OTOF: variants seen among roughly 807,000 people sequenced by gnomAD.
OTOF encodes the protein otoferlin, also known as fer-1-like family member 2.
A neutral mutation model predicts 236.8 loss-of-function variants in OTOF; 218 were observed. The observed-to-expected ratio is 0.92, with a 90% CI of 0.82 to 1.03. The LOEUF (loss-of-function observed/expected upper bound fraction) is 1.03. OTOF is among the 50% of genes least tolerant of loss of function. The pLI is 0.00. For synonymous variants in OTOF, 1,041 were observed against 1,072.5 expected (o/e 0.97, Z 0.57); for missense variants, 2,590 against 2,694.4 (o/e 0.96, Z 0.86).
chr2:26,460,257 T>C lies in OTOF; in HGVS notation c.5814-52A>G, dbSNP rs776978510. ...GAGGAGGGACAGGGAGGAGAAGGGA[T>C]TGGGTGTGGCGAGGGGCCAAGACCA... On this transcript the variant is annotated intron_variant, in intron 45 of 46. Coordinates refer to ENST00000272371, the MANE Select transcript of OTOF (RefSeq NM_194248.3). The surrounding 1 kb of genome is among the most constrained non-coding windows in gnomAD (Gnocchi z 5.3). 93 of 1,458,338 alleles carry C rather than the reference T, an allele frequency of 6.4e-5. No individual in the cohort carries two copies. In the Admixed American group the frequency reaches 1.7e-3, roughly 27 times the overall value. 90.3% of individuals were successfully genotyped at this position (1,458,338 alleles called of 1,614,324 possible).
chr2:26,477,757 T>A lies in OTOF; in HGVS notation c.2215-8A>T, dbSNP rs1267081806. ...GTCGTTCAGGCCTTCTTCCTGTGAA[T>A]CAGGAGTGTGGGTGATGCTGGGCCA... On this transcript the variant is annotated splice_region_variant and splice_polypyrimidine_tract_variant and intron_variant, in intron 18 of 46. Transcript: ENST00000272371. This position sits in a 1 kb window ranked among gnomAD's most constrained non-coding sequence, Gnocchi z 4.7. 3.7e-6 allele frequency: 6 copies of A among 1,612,596 alleles called. No homozygotes were observed. Among genetic ancestry groups the A allele is most frequent in the Non-Finnish European group, 5.1e-6 (6 of 1,179,884 alleles).
chr2:26,535,587 A>T (rs1334454645), intron 2 of OTOF, among the ~76,000 whole-genome samples: 1 of 152,138 alleles, frequency 6.6e-6, no homozygotes, highest in Non-Finnish European at 1.5e-5. Context: ...TCTTCTCCCC[A>T]TCGCGTGCCC....
In OTOF at chr2:26,477,088, G is replaced by A; in HGVS notation, c.2524-45C>T. On this transcript the variant is annotated intron_variant, in intron 21 of 46. Transcript: ENST00000272371. This position sits in a 1 kb window ranked among gnomAD's most constrained non-coding sequence, Gnocchi z 4.7. The stretch of plus-strand genomic sequence containing the variant: ...CAGGGGCAGTGGGTAAGGGGGTCTA[G>A]CCTCCTGATTGAGCCCCCTGATCCT... The A allele has an allele frequency of 1.3e-6, 2 of 1,530,856 alleles. No individual in the cohort carries two copies. Among genetic ancestry groups the A allele is most frequent in the South Asian group, 1.2e-5 (1 of 85,764 alleles). The allele number at this position is 1,530,856 out of a possible 1,614,324, so 94.8% of individuals were successfully genotyped here. A position where few individuals can be genotyped will look rare whatever the true frequency, so the allele number is the denominator to read the frequency against.
At chr2:26,557,072 A>G (rs1323094475) in intron 1 of OTOF, among the ~76,000 whole-genome samples, 2 of 152,168 alleles carry the variant, frequency 1.3e-5, no homozygotes, top group Non-Finnish European at 2.9e-5. Context: ...GCCTGCCGGC[A>G]GGGCCACTGC....
chr2:26,483,145 A>ATGTGTGAGTTGGTATGCGTGCG (rs1558491415), intron 13 of OTOF, among the ~76,000 whole-genome samples: 10 of 128,428 alleles, frequency 7.8e-5, no homozygotes, highest in Non-Finnish European at 1.7e-4. Context: ...GCGTGTCTGC[A>ATGTGTGAGTTGGTATGCGTGCG]TGTGTGAGTT....
At chr2:26,476,443 C>T (rs1471793534) in intron 22 of OTOF, 126 bp from the exon 23 acceptor site, 5 of 903,796 alleles carry the variant, frequency 5.5e-6, no homozygotes, top group Non-Finnish European at 8.6e-6. Context: ...TCCCGCTGGG[C>T]TGGGGTCCGG....
intron 36 of OTOF, 62 bp from the exon 37 acceptor site, chr2:26,466,138 T>A (rs1664717666): frequency 4.4e-6 from 7 of 1,605,666 alleles, no homozygotes; most frequent in Middle Eastern, 3.5e-4. Context: ...TCAGTGCCCC[T>A]GCCAGGCTGC....
At chr2:26,500,014 G>A (rs1308848213) in intron 8 of OTOF, among the ~76,000 whole-genome samples, 4 of 152,226 alleles carry the variant, frequency 2.6e-5, no homozygotes, top group African/African-American at 9.6e-5. Context: ...GTCTCTGGTA[G>A]GAGGCAGTTT....
intron 30 of OTOF, chr2:26,472,266 CACAT>C (rs1665022628): frequency 1.8e-6 from 1 of 542,876 alleles, no homozygotes; most frequent in Non-Finnish European, 3.4e-6. Flanking sequence ...CATGCACACA[CACAT>C]GCACATATGC....
rs1666178045 is a variant in OTOF at position 26,503,741 on chromosome 2, GGCTGCGGGGCTCACGCGGCACC to G, written c.583+9_583+30del. 6.3e-7 allele frequency: 1 copy of G among 1,597,452 alleles called. No individual in the cohort carries two copies. The highest frequency in any genetic ancestry group is 1.1e-5 in the South Asian group (1 of 90,750). On this transcript the variant is annotated intron_variant, in intron 6 of 46. Transcript: ENST00000272371. ...GGCGGGAGGGCGCCGCGAGGCGCGG[GGCTGCGGGGCTCACGCGGCACC>G]TGTCCTACCTGGTCTTTGGGGCTCC...
intron 39 of OTOF, 85 bp from the exon 40 acceptor site, chr2:26,464,191 G>T (rs1664619437): frequency 6.5e-7 from 1 of 1,539,958 alleles, no homozygotes; most frequent in African/African-American, 1.4e-5. Context: ...GGAGCACAAA[G>T]AAGCCTCTAT....
Position 26,477,056 on chromosome 2 carries a change from G to T in OTOF, c.2524-13C>A. The T allele has an allele frequency of 1.3e-6, 2 of 1,524,328 alleles. No homozygotes were observed. Among genetic ancestry groups the T allele is most frequent in the South Asian group, 2.4e-5 (2 of 84,652 alleles). The allele number at this position is 1,524,328 out of a possible 1,614,324, so 94.4% of individuals were successfully genotyped here. A position where few individuals can be genotyped will look rare whatever the true frequency, so the allele number is the denominator to read the frequency against. ...TGCTGTGCTGGGGCTGGGGGTTGGG[G>T]GGTGGCCAGGGGCAGTGGGTAAGGG... On this transcript the variant is annotated splice_polypyrimidine_tract_variant and intron_variant, in intron 21 of 46. Coordinates refer to ENST00000272371, the MANE Select transcript of OTOF (RefSeq NM_194248.3). This position sits in a 1 kb window ranked among gnomAD's most constrained non-coding sequence, Gnocchi z 4.7.
chr2:26,467,265 G>T (rs755326262), intron 34 of OTOF, 32 bp from the exon 35 acceptor site: 2 of 1,614,024 alleles, frequency 1.2e-6, no homozygotes, highest in South Asian at 2.2e-5. Flanking sequence ...GGGGGCGGCT[G>T]CCTGGTCTCT....
At chr2:26,523,170 G>A (rs1163492319) in intron 3 of OTOF, among the ~76,000 whole-genome samples, 2 of 152,266 alleles carry the variant, frequency 1.3e-5, no homozygotes, top group Admixed American at 1.3e-4. Flanking sequence ...GCAGGAGGCT[G>A]GAGGCCAGGC....
intron 5 of OTOF, among the ~76,000 whole-genome samples, chr2:26,506,221 G>A (rs907012945): frequency 6.6e-6 from 1 of 152,212 alleles, no homozygotes; most frequent in Non-Finnish European, 1.5e-5. Flanking sequence ...CAGCCGTGCT[G>A]CTCAACTATG....
rs1664918371 is a variant in OTOF at position 26,470,420 on chromosome 2, A to C, written c.4023+173T>G. ...CCAAGCAGGGAAGGTAGATGGGACC[A>C]TCATCTTGGAAGGTGAGTTCTGAGC... On this transcript the variant is annotated intron_variant, in intron 32 of 46. Transcript: ENST00000272371. This position sits in a 1 kb window ranked among gnomAD's most constrained non-coding sequence, Gnocchi z 4.3. Among the ~76,000 whole-genome samples, 2 of 152,080 alleles carry C rather than the reference A, an allele frequency of 1.3e-5. No individual in the cohort carries two copies. The highest frequency in any genetic ancestry group is 4.8e-5 in the African/African-American group (2 of 41,412).
chr2:26,471,188 A>C, intron 30 of OTOF, 38 bp from the exon 31 acceptor site: 1 of 1,613,242 alleles, frequency 6.2e-7, no homozygotes, highest in African/African-American at 1.3e-5. Context: ...AGAATCAGCC[A>C]CTGGGGCCTG....
At position 26,473,279 on chromosome 2, in the gene OTOF, C is replaced by T. The variant is rs375854707; in HGVS notation, c.3586G>A (p.Glu1196Lys). 6.8e-6 allele frequency: 11 copies of T among 1,613,164 alleles called. No homozygotes were observed. The highest frequency in any genetic ancestry group is 1.6e-4 in the Middle Eastern group (1 of 6,082). Residue 1196 changes from glutamate (E) to lysine (K), a missense_variant, in exon 29 of 47, where the codon GAG (glutamate) becomes AAG (lysine). Glu to Lys is a moderately conservative substitution (Grantham distance 56). Around this residue, in one of 2 missense-constraint regions of OTOF, gnomAD observed 1,211 missense variants for 1,352.8 expected, o/e 0.90. Transcript: ENST00000272371. This position sits in a 1 kb window ranked among gnomAD's most constrained non-coding sequence, Gnocchi z 7.2. ...KWFEVDLPENELLHPPLNIRV... is the reference protein window; with the variant it reads ...KWFEVDLPENKLLHPPLNIRV... ...ATGTTCAAGGGCGGGTGCAGCAGCT[C>T]GTTCTCTGGGAGGTCCTGGGGTGTT...
intron 9 of OTOF, 38 bp downstream of exon 9, chr2:26,494,904 A>C (rs976246288): frequency 6.2e-7 from 1 of 1,613,530 alleles, no homozygotes; most frequent in Non-Finnish European, 8.5e-7. Flanking sequence ...CCCTCCTGCC[A>C]TATTTACAGA....
Sources: gnomAD v4.1 joint callset for allele counts (sites outside exome capture counted in the v4.1 genomes callset) on GRCh38, gnomAD v4.1.1 for gene constraint, gnomAD v4.1.1 regional missense constraint, Gnocchi (gnomAD v3.1) non-coding constraint, MANE v1.5 for transcripts, NCBI Gene and HGNC (gene_info 2026-07-23, HGNC 2026-07-21) for gene names.